The following DMBX1 variants were observed in gnomAD, a reference collection of about 807,000 sequenced individuals.
DMBX1 encodes diencephalon/mesencephalon homeobox 1, also known as diencephalon/mesencephalon homeobox protein 1.
A neutral mutation model predicts 30.4 loss-of-function variants in DMBX1; 7 were observed. The ratio of observed to expected loss-of-function variants is 0.23; its 90% CI spans 0.13 to 0.43. The LOEUF is 0.43. DMBX1 is among the 20% of genes least tolerant of loss of function. The pLI is 1.00. For missense variants in DMBX1, 460 were observed against 508.5 expected (o/e 0.90, Z 0.92); for synonymous variants, 222 against 214.2 (o/e 1.04, Z -0.32).
intron 3 of DMBX1, among the ~76,000 whole-genome samples, chr1:46,508,259 A>G (rs957590068): frequency 1.2e-4 from 19 of 152,310 alleles, no homozygotes; most frequent in Admixed American, 8.5e-4. Flanking sequence ...AGGGTATCCA[A>G]GGTCAAATGC....
At chr1:46,496,351 A>C (rs1196753558) in intron 2 of DMBX1, among the ~76,000 whole-genome samples, 1 of 152,124 alleles carries the variant, frequency 6.6e-6, no homozygotes, top group African/African-American at 2.4e-5. Flanking sequence ...ATTCCTGGCA[A>C]CTCAGAACTA....
At chr1:46,497,068 T>C (rs1666037592) in intron 2 of DMBX1, among the ~76,000 whole-genome samples, 1 of 152,144 alleles carries the variant, frequency 6.6e-6, no homozygotes, top group Non-Finnish European at 1.5e-5. Context: ...ACACCCAGGG[T>C]TGGTCCTCAC....
At chr1:46,496,376 A>G (rs975110049) in intron 2 of DMBX1, among the ~76,000 whole-genome samples, 2 of 152,192 alleles carry the variant, frequency 1.3e-5, no homozygotes, top group African/African-American at 4.8e-5. Flanking sequence ...CAGATGTGGG[A>G]ACAGGGTACT....
intron 2 of DMBX1, among the ~76,000 whole-genome samples, chr1:46,494,449 T>C (rs1396127610): frequency 2.0e-5 from 3 of 152,088 alleles, no homozygotes; most frequent in Admixed American, 1.3e-4. Context: ...TTACCCCAAT[T>C]AGTGGCTGAT....
At position 46,512,270 on chromosome 1, in the gene DMBX1, A is replaced by G. The variant is rs371865943; in HGVS notation, c.910A>G (p.Met304Val). 9 of 1,613,346 alleles carry G rather than the reference A, an allele frequency of 5.6e-6. No individual in the cohort carries two copies. In the African/African-American group the frequency reaches 1.1e-4, roughly 19 times the overall value. ...AAAVPYLGVN[M>V]APLGSLHCQS... ...TGCTGTGCCCTACCTGGGCGTCAACATGGCCCCGCTGGGCTCACTGCACTG... is the reference window on the plus strand; with the variant it reads ...TGCTGTGCCCTACCTGGGCGTCAACGTGGCCCCGCTGGGCTCACTGCACTG... The change falls in exon 6 of 6, where the codon ATG becomes GTG. Residue 304 changes from methionine (M) to valine (V), a missense_variant. This residue lies in a region of DMBX1 where 334 missense variants were observed against 345.1 expected (regional missense o/e 0.97). Transcript: ENST00000360032. This position sits in a 1 kb window ranked among gnomAD's most constrained non-coding sequence, Gnocchi z 4.8.
In DMBX1 at chr1:46,510,464, G is replaced by A. The variant is rs1666341077; in HGVS notation, c.155-12G>A. 1.2e-6 allele frequency: 2 copies of A among 1,612,870 alleles called. No homozygotes were observed. Among genetic ancestry groups the A allele is most frequent in the Non-Finnish European group, 1.7e-6 (2 of 1,179,650 alleles). On this transcript the variant is annotated splice_polypyrimidine_tract_variant and intron_variant, in intron 3 of 5. Transcript: ENST00000360032. The surrounding 1 kb of genome is among the most constrained non-coding windows in gnomAD (Gnocchi z 4.1). Reference sequence around the variant, plus strand: ...CCCCTCTCCTTGCCCTCCAACGGCTGTACATTTCAAGACATCATCTTGGAG... The same window carrying A: ...CCCCTCTCCTTGCCCTCCAACGGCTATACATTTCAAGACATCATCTTGGAG...
chr1:46,512,882 T>A lies in DMBX1; in HGVS notation c.*388T>A. ...ATAAATATAAATATATAAAGCTATA[T>A]TTTCAGGCTCCTGCCTGCCCCAGGC... is the stretch of plus-strand genomic sequence containing the variant. On this transcript the variant is annotated 3_prime_UTR_variant, in exon 6 of 6. Transcript: ENST00000360032. The surrounding 1 kb of genome is among the most constrained non-coding windows in gnomAD (Gnocchi z 4.8). 5.8e-6 allele frequency: 1 copy of A among 173,134 alleles called. No individual in the cohort carries two copies. Among genetic ancestry groups the A allele is most frequent in the Non-Finnish European group, 1.2e-5 (1 of 81,834 alleles). 10.7% of individuals were successfully genotyped at this position (173,134 alleles called of 1,614,324 possible).
At chr1:46,509,918 G>A (rs1666322291) in intron 3 of DMBX1, among the ~76,000 whole-genome samples, 1 of 152,114 alleles carries the variant, frequency 6.6e-6, no homozygotes, top group Non-Finnish European at 1.5e-5. Context: ...GGGATGAGGG[G>A]GTTTACATGC....
Position 46,507,200 on chromosome 1 carries a change from C to A in DMBX1, c.154+36C>A, listed in dbSNP as rs762739258. Reference sequence around the variant, plus strand: ...TGGGGATGGGACCATGGGGACAGGACTGTGGGGGTTGGGGGAGAAGGCTCT... The same window carrying A: ...TGGGGATGGGACCATGGGGACAGGAATGTGGGGGTTGGGGGAGAAGGCTCT... On this transcript the variant is annotated intron_variant, in intron 3 of 5. Coordinates refer to ENST00000360032, the MANE Select transcript of DMBX1 (RefSeq NM_172225.2). 4 of 1,609,358 alleles carry A rather than the reference C, an allele frequency of 2.5e-6. No individual in the cohort carries two copies. The East Asian group carries it at 8.9e-5, about 36-fold the overall frequency.
intron 2 of DMBX1, among the ~76,000 whole-genome samples, chr1:46,501,223 T>TTTCA (rs1557786042): frequency 1.2e-5 from 1 of 84,360 alleles, no homozygotes; most frequent in Admixed American, 1.2e-4. Context: ...CCTTTCTTTC[T>TTTCA]TTCTTTCTTT....
At chr1:46,505,951 G>T (rs572309497) in intron 2 of DMBX1, among the ~76,000 whole-genome samples, 130 of 152,236 alleles carry the variant, frequency 8.5e-4, no homozygotes, top group Non-Finnish European at 1.5e-3. Context: ...GAGATATGGT[G>T]AGAATAAAGG....
In DMBX1 at chr1:46,511,013, G is replaced by A. The variant is rs1483472519; in HGVS notation, c.412G>A (p.Glu138Lys). The A allele has an allele frequency of 6.2e-7, 1 of 1,613,968 alleles. No homozygotes were observed. The highest frequency in any genetic ancestry group is 8.5e-7 in the Non-Finnish European group (1 of 1,179,990). Residue 138 changes from glutamate (E) to lysine (K), a missense_variant, in exon 5 of 6, where the codon GAG becomes AAG. By Grantham distance (56) the Glu-to-Lys change is moderately conservative (BLOSUM62 1). This residue lies in a region of DMBX1 where 334 missense variants were observed against 345.1 expected (regional missense o/e 0.97). Coordinates refer to ENST00000360032, the MANE Select transcript of DMBX1 (RefSeq NM_172225.2). ...GAAGGAACAGCTCCAGAAGCAGAAG[G>A]AGGCTGAGGGCTCCCATGGGGAAGG... is the stretch of plus-strand genomic sequence containing the variant. ...LQKEQLQKQK[E>K]AEGSHGEGKA...
At position 46,514,297 on chromosome 1, in the gene DMBX1, A is replaced by T. The variant is rs1666449240; in HGVS notation, c.*1803A>T. 1 of 152,204 alleles carries T rather than the reference A, an allele frequency of 6.6e-6. No individual in the cohort carries two copies. The highest frequency in any genetic ancestry group is 1.5e-5 in the Non-Finnish European group (1 of 68,056). 9.4% of individuals were successfully genotyped at this position (152,204 alleles called of 1,614,324 possible). On this transcript the variant is annotated 3_prime_UTR_variant, in exon 6 of 6. Coordinates refer to ENST00000360032, the MANE Select transcript of DMBX1 (RefSeq NM_172225.2). ...GGGTCTGTTTCCCTGTCTGGGTTAG[A>T]TGGCCTGTAAGGTCCTAGCCAGCTC...
At chr1:46,502,505 T>C (rs948729860) in intron 2 of DMBX1, among the ~76,000 whole-genome samples, 1 of 152,230 alleles carries the variant, frequency 6.6e-6, no homozygotes. Context: ...CCTGGACTTC[T>C]GCAGTGTCCT....
chr1:46,511,941 T>C (rs1193629321), intron 5 of DMBX1, 102 bp from the exon 6 acceptor site: 3 of 1,185,992 alleles, frequency 2.5e-6, no homozygotes, highest in African/African-American at 1.5e-5. Context: ...CCGAAGCCTG[T>C]CTTGTCTATA....
At position 46,510,953 on chromosome 1, in the gene DMBX1, C is replaced by CG; in HGVS notation, c.355dup (p.Ala119GlyfsTer9). 6.2e-7 allele frequency: 1 copy of CG among 1,606,714 alleles called. No homozygotes were observed. The highest frequency in any genetic ancestry group is 8.5e-7 in the Non-Finnish European group (1 of 1,175,802). ...TCCCCAGGTGTGGTTCAAGAACCGC[C>CG]GGGCCAAGTTCCGGAAGAAGCAGCG... is the stretch of plus-strand genomic sequence containing the variant. On this transcript the variant is annotated frameshift_variant, in exon 5 of 6. Transcript: ENST00000360032. LOFTEE classifies it high-confidence loss of function. The surrounding 1 kb of genome is among the most constrained non-coding windows in gnomAD (Gnocchi z 4.1).
chr1:46,493,813 C>T lies in DMBX1; in HGVS notation c.-13+3030C>T, dbSNP rs1251260168. Reference sequence around the variant, plus strand: ...GAGCCGCAACCGCGCTTTCTGCGCCCGCAGGACAGACCCTCCTCCGAGTTC... The same window carrying T: ...GAGCCGCAACCGCGCTTTCTGCGCCTGCAGGACAGACCCTCCTCCGAGTTC... On this transcript the variant is annotated intron_variant, in intron 2 of 5. Coordinates refer to ENST00000360032, the MANE Select transcript of DMBX1 (RefSeq NM_172225.2). The surrounding 1 kb of genome is among the most constrained non-coding windows in gnomAD (Gnocchi z 4.1). Among the ~76,000 whole-genome samples the T allele has an allele frequency of 1.3e-5, 2 of 152,260 alleles. No homozygotes were observed. Among genetic ancestry groups the T allele is most frequent in the Admixed American group, 6.5e-5 (1 of 15,294 alleles).
Position 46,512,054 on chromosome 1 carries a change from A to G in DMBX1, c.694A>G (p.Ser232Gly). ...RGSPKADSPG[S>G]LTITPVAPGG... ...TTCTCTGCTTGCAGATTCCCCAGGCAGCCTGACCATCACTCCTGTGGCCCC... is the reference window on the plus strand; with the variant it reads ...TTCTCTGCTTGCAGATTCCCCAGGCGGCCTGACCATCACTCCTGTGGCCCC... Residue 232 changes from serine to glycine, a missense_variant, in exon 6 of 6, where the codon AGC becomes GGC. Coordinates refer to ENST00000360032, the MANE Select transcript of DMBX1 (RefSeq NM_172225.2). This position sits in a 1 kb window ranked among gnomAD's most constrained non-coding sequence, Gnocchi z 4.8. The G allele has an allele frequency of 6.2e-7, 1 of 1,610,850 alleles. No individual in the cohort carries two copies. The highest frequency in any genetic ancestry group is 1.1e-5 in the South Asian group (1 of 91,014).
intron 2 of DMBX1, among the ~76,000 whole-genome samples, chr1:46,496,263 A>G (rs540078791): frequency 1.1e-4 from 16 of 152,324 alleles, no homozygotes; most frequent in South Asian, 2.1e-4. Flanking sequence ...CTTGCTCTCA[A>G]ACTGTGTGCC....
Sources: gnomAD v4.1 joint callset for allele counts (sites outside exome capture counted in the v4.1 genomes callset) on GRCh38, gnomAD v4.1.1 for gene constraint, gnomAD v4.1.1 regional missense constraint, Gnocchi (gnomAD v3.1) non-coding constraint, MANE v1.5 for transcripts, NCBI Gene and HGNC (gene_info 2026-07-23, HGNC 2026-07-21) for gene names.